SLC13A1: variants seen among roughly 807,000 people sequenced by gnomAD.
The protein encoded by SLC13A1 is Na(+)/sulfate cotransporter.
A neutral mutation model predicts 70.0 loss-of-function variants in SLC13A1; 65 were observed. That is an observed-to-expected ratio of 0.93 (90% confidence interval 0.76 to 1.14). The LOEUF (loss-of-function observed/expected upper bound fraction) is 1.14, where lower values mean the gene tolerates loss of function less well. Among genes scored for constraint, SLC13A1 ranks in the 50% most tolerant of loss-of-function variants. The probability of loss-of-function intolerance (pLI) is 0.00; values close to 1 mark genes in which losing one functional copy is unlikely to be tolerated. For synonymous variants in SLC13A1, 275 were observed against 250.5 expected (o/e 1.10, Z -0.92); for missense variants, 726 against 717.8 (o/e 1.01, Z -0.13).
chr7:123,124,189 G>T (rs187902077), intron 11 of SLC13A1, among the ~76,000 whole-genome samples: 36 of 152,126 alleles, frequency 2.4e-4, no homozygotes, highest in Admixed American at 3.9e-4. Flanking sequence ...GAGAGAGAAA[G>T]GTGGGTAGGA....
chr7:123,137,956 A>G (rs1350283200), intron 7 of SLC13A1, among the ~76,000 whole-genome samples: 1 of 152,140 alleles, frequency 6.6e-6, no homozygotes, highest in African/African-American at 2.4e-5. Context: ...TAAATGTACA[A>G]TTAAATTATT....
At chr7:123,180,876 C>A (rs1795614743) in intron 2 of SLC13A1, 97 bp downstream of exon 2, 10 of 1,333,950 alleles carry the variant, frequency 7.5e-6, no homozygotes, top group Non-Finnish European at 1.0e-5. Context: ...TGGAACCTTA[C>A]CAACGAGATG....
chr7:123,199,731 T>C (rs1199649007), intron 1 of SLC13A1, 117 bp downstream of exon 1: 1 of 693,662 alleles, frequency 1.4e-6, no homozygotes, highest in South Asian at 1.9e-5. Flanking sequence ...TGACTTTAGG[T>C]ATGAAGGGTC....
intron 10 of SLC13A1, among the ~76,000 whole-genome samples, chr7:123,128,478 G>A (rs894165502): frequency 1.3e-5 from 2 of 151,550 alleles, no homozygotes; most frequent in Admixed American, 1.3e-4. Flanking sequence ...AGTCAGGAAA[G>A]GAACCCAAGC....
intron 6 of SLC13A1, among the ~76,000 whole-genome samples, chr7:123,150,007 A>G (rs540419242): frequency 1.3e-5 from 2 of 152,198 alleles, no homozygotes; most frequent in Middle Eastern, 3.4e-3. Flanking sequence ...CTCTCTCTCC[A>G]TGTCATGTCT....
chr7:123,167,623 T>C (rs1412916111), intron 6 of SLC13A1, among the ~76,000 whole-genome samples: 1 of 152,162 alleles, frequency 6.6e-6, no homozygotes, highest in African/African-American at 2.4e-5. Flanking sequence ...CAGTGCAATC[T>C]AGTATAGTAT....
chr7:123,193,398 C>T lies in SLC13A1; in HGVS notation c.99+6450G>A, dbSNP rs374351884. On this transcript the variant is annotated intron_variant, in intron 1 of 14. Coordinates refer to ENST00000194130, the MANE Select transcript of SLC13A1 (RefSeq NM_022444.4). ...GCTATGTTAATCAGGACAGGATAAG[C>T]TATGCTGTGGCAAAAGTTCCAAAAT... is the stretch of plus-strand genomic sequence containing the variant. 5.9e-5 allele frequency among the ~76,000 whole-genome samples: 9 copies of T among 152,134 alleles called. No individual in the cohort carries two copies. In the East Asian group the frequency reaches 7.7e-4, roughly 13 times the overall value.
rs1793152953 is a variant in SLC13A1 at position 123,115,593 on chromosome 7, A to G, written c.1713T>C (p.Thr571=). The change falls in exon 15 of 15, where the codon ACT becomes ACC. Residue 571 remains threonine, a synonymous_variant. Coordinates refer to ENST00000194130, the MANE Select transcript of SLC13A1 (RefSeq NM_022444.4). ...GVAVVMLGIC[T]WIVPMFDLYT... is the part of the protein sequence containing the mutation. ...AGAGGTCAAACATGGGTACAATCCA[A>G]GTACATATGCCAAGCATAACCACAG... 1 of 1,613,954 alleles carries G rather than the reference A, an allele frequency of 6.2e-7. No individual in the cohort carries two copies. Among genetic ancestry groups the G allele is most frequent in the Non-Finnish European group, 8.5e-7 (1 of 1,179,842 alleles).
chr7:123,177,841 T>C (rs939003170), intron 2 of SLC13A1, among the ~76,000 whole-genome samples: 4 of 152,154 alleles, frequency 2.6e-5, no homozygotes, highest in Admixed American at 1.3e-4. Context: ...CTATACTGTA[T>C]AATATTTCTA....
chr7:123,182,602 C>T (rs575587567), intron 1 of SLC13A1, among the ~76,000 whole-genome samples: 21 of 152,148 alleles, frequency 1.4e-4, no homozygotes, highest in African/African-American at 4.8e-4. Flanking sequence ...TCTGGAGCAC[C>T]AATCTATGAG....
At chr7:123,152,220 C>T (rs1013803875) in intron 6 of SLC13A1, among the ~76,000 whole-genome samples, 130 of 152,122 alleles carry the variant, frequency 8.5e-4, no homozygotes, top group African/African-American at 3.1e-3. Context: ...GTAACTCAGG[C>T]CACATTTTCT....
intron 6 of SLC13A1, among the ~76,000 whole-genome samples, chr7:123,160,019 C>T (rs532598542): frequency 6.6e-6 from 1 of 152,098 alleles, no homozygotes; most frequent in African/African-American, 2.4e-5. Context: ...CTGGTAGTGT[C>T]ATGCCTGTAA....
intron 2 of SLC13A1, among the ~76,000 whole-genome samples, chr7:123,172,954 A>G (rs1795322665): frequency 6.6e-6 from 1 of 152,148 alleles, no homozygotes; most frequent in Non-Finnish European, 1.5e-5. Flanking sequence ...TTTCAGATTT[A>G]CTTAATTATT....
intron 7 of SLC13A1, among the ~76,000 whole-genome samples, chr7:123,135,182 A>G (rs1222023633): frequency 1.3e-5 from 2 of 152,236 alleles, no homozygotes. Flanking sequence ...AATAATTAAA[A>G]GTTCTGAAGA....
Position 123,191,695 on chromosome 7 carries a change from G to A in SLC13A1, c.99+8153C>T, listed in dbSNP as rs959911114. Among the ~76,000 whole-genome samples, 8 of 152,148 alleles carry A rather than the reference G, an allele frequency of 5.3e-5. No homozygotes were observed. The East Asian group carries it at 1.4e-3, about 26-fold the overall frequency. On this transcript the variant is annotated intron_variant, in intron 1 of 14. Coordinates refer to ENST00000194130, the MANE Select transcript of SLC13A1 (RefSeq NM_022444.4). ...ATAATGTGCCAGATAACAACACTTG[G>A]CACTCCACATGACATTTTATTTAAC...
At chr7:123,130,728 A>T (rs1022911403) in intron 8 of SLC13A1, among the ~76,000 whole-genome samples, 4 of 152,144 alleles carry the variant, frequency 2.6e-5, no homozygotes, top group African/African-American at 9.6e-5. Flanking sequence ...GATAAAATTT[A>T]AAAAAGAAGT....
At chr7:123,194,645 A>G (rs931197721) in intron 1 of SLC13A1, among the ~76,000 whole-genome samples, 3 of 152,204 alleles carry the variant, frequency 2.0e-5, no homozygotes, top group African/African-American at 7.2e-5. Context: ...CAAGGAAAGC[A>G]GTGCCAGCAG....
intron 7 of SLC13A1, among the ~76,000 whole-genome samples, chr7:123,142,709 C>T (rs1211183917): frequency 1.5e-5 from 2 of 135,402 alleles, no homozygotes; most frequent in East Asian, 4.6e-4. Flanking sequence ...CCTCTGCCTC[C>T]CAAATTCAAG....
In SLC13A1 at chr7:123,115,416, C is replaced by A; in HGVS notation, c.*102G>T. 4.1e-6 allele frequency: 5 copies of A among 1,216,944 alleles called. No individual in the cohort carries two copies. The highest frequency in any genetic ancestry group is 5.8e-6 in the Non-Finnish European group (5 of 857,390). The allele number at this position is 1,216,944 out of a possible 1,614,324, so 75.4% of individuals were successfully genotyped here. On this transcript the variant is annotated 3_prime_UTR_variant, in exon 15 of 15. Coordinates refer to ENST00000194130, the MANE Select transcript of SLC13A1 (RefSeq NM_022444.4). ...AGGAATTGCAGCAGCTACACCATAACTGATTTAAATGTGTGTCATTAGTTA... is the reference window on the plus strand; with the variant it reads ...AGGAATTGCAGCAGCTACACCATAAATGATTTAAATGTGTGTCATTAGTTA...
Sources: allele counts gnomAD v4.1 joint callset (sites outside exome capture counted in the v4.1 genomes callset), GRCh38; gene constraint gnomAD v4.1.1; transcripts MANE v1.5; gene names NCBI Gene and HGNC (gene_info 2026-07-23, HGNC 2026-07-21).